The following DMD variants were observed in gnomAD, a reference collection of about 807,000 sequenced individuals.
DMD encodes mutant dystrophin.
DMD carries 63 observed loss-of-function variants against 330.1 expected under a neutral mutation model. The ratio of observed to expected loss-of-function variants is 0.19; its 90% CI spans 0.16 to 0.24. DMD has a LOEUF of 0.24. Among genes scored for constraint, DMD ranks in the 10% least tolerant of loss-of-function variants. The pLI, the probability that DMD is intolerant of heterozygous loss-of-function variation, is 1.00. For missense variants in DMD, 3,344 were observed against 2,684.1 expected (o/e 1.25, Z -5.43); for synonymous variants, 1,223 against 959.8 (o/e 1.27, Z -5.07).
chrX:31,336,662 T>A lies in DMD; in HGVS notation c.9163+11894A>T, dbSNP rs1271478043. On this transcript the variant is annotated intron_variant, in intron 61 of 78. Transcript: ENST00000357033. ...ATAATAAATAACTAATCCAATCAGA[T>A]GCTTTGTCTTGGAGAGCTTGAATGT... Among the ~76,000 whole-genome samples the A allele has an allele frequency of 4.5e-5, 5 of 112,022 alleles. No individual in the cohort carries two copies. In the East Asian group the frequency reaches 1.4e-3, roughly 31 times the overall value.
At chrX:32,657,902 T>C (rs779239266) in intron 9 of DMD, among the ~76,000 whole-genome samples, 2 of 111,805 alleles carry the variant, frequency 1.8e-5, no homozygotes, top group Admixed American at 9.5e-5. Context: ...AAAAAAATGA[T>C]TCACTGGATA....
At chrX:31,602,306 T>C (rs1195628740) in intron 55 of DMD, among the ~76,000 whole-genome samples, 1 of 107,481 alleles carries the variant, frequency 9.3e-6, no homozygotes, top group Non-Finnish European at 1.9e-5. Flanking sequence ...GTCAATTCAC[T>C]GGCTCCTTTC....
chrX:32,675,069 T>C (rs1435395733), intron 9 of DMD, among the ~76,000 whole-genome samples: 1 of 111,889 alleles, frequency 8.9e-6, no homozygotes, highest in Non-Finnish European at 1.9e-5. Flanking sequence ...AATGTTCAAT[T>C]GCTCAGTTCA....
chrX:31,876,631 G>T (rs1603516344), intron 47 of DMD, among the ~76,000 whole-genome samples: 2 of 108,936 alleles, frequency 1.8e-5, no homozygotes, highest in East Asian at 5.8e-4. Flanking sequence ...CAGGAGGATT[G>T]CTTGAGCCCA....
intron 7 of DMD, among the ~76,000 whole-genome samples, chrX:32,736,772 G>C (rs947300268): frequency 3.1e-5 from 3 of 95,742 alleles, no homozygotes; most frequent in Admixed American, 1.1e-4. Context: ...GTGGTGGGGT[G>C]GGGGGAGGGG....
intron 1 of DMD, among the ~76,000 whole-genome samples, chrX:33,218,381 T>G (rs1217799681): frequency 9.0e-6 from 1 of 111,554 alleles, no homozygotes; most frequent in Admixed American, 9.5e-5. Flanking sequence ...CTCTTCTATT[T>G]TCTGGAAGTT....
intron 4 of DMD, among the ~76,000 whole-genome samples, chrX:32,830,789 G>A (rs983904971): frequency 2.7e-5 from 3 of 111,187 alleles, no homozygotes; most frequent in African/African-American, 9.8e-5. Context: ...TTATTCAAAT[G>A]TAATTTTGGA....
chrX:31,345,001 TTGATG>T (rs2058014633), intron 61 of DMD, among the ~76,000 whole-genome samples: 1 of 111,516 alleles, frequency 9.0e-6, no homozygotes, highest in African/African-American at 3.3e-5. Flanking sequence ...CAAATTTTTC[TTGATG>T]TGTATAGAGT....
Position 32,698,042 on chromosome X carries a change from A to T in DMD, c.832-44T>A, listed in dbSNP as rs72470516. The T allele has an allele frequency of 1.7e-3, 1,992 of 1,153,558 alleles. 22 individuals are homozygous for T. The African/African-American group carries it at 0.028, about 16-fold the overall frequency. On this transcript the variant is annotated intron_variant, in intron 8 of 78. Transcript: ENST00000357033. ...GGGAGTGGATAGAGAGGAGGGGGAA[A>T]AACCATAAGTAACCCGAAAGGACTA...
At chrX:32,803,724 T>TA (rs1271406631) in intron 7 of DMD, among the ~76,000 whole-genome samples, 4 of 112,279 alleles carry the variant, frequency 3.6e-5, no homozygotes, top group African/African-American at 1.3e-4. Context: ...ATTTACCCAG[T>TA]AGTCACCCAG....
rs2032112081 is a variant in DMD at position 31,120,085 on chromosome X, C to G, written c.*1834G>C. On this transcript the variant is annotated 3_prime_UTR_variant, in exon 79 of 79. Transcript: ENST00000357033. ...TAATTACACTTGATGTCAGCCCACT[C>G]TCCAAAAGCTAATTACACTTGATGT... The G allele has an allele frequency of 9.0e-6, 1 of 111,406 alleles. No individual in the cohort carries two copies. Among genetic ancestry groups the G allele is most frequent in the Non-Finnish European group, 1.9e-5 (1 of 52,975 alleles). 9.2% of individuals were successfully genotyped at this position (111,406 alleles called of 1,213,427 possible). A position where few individuals can be genotyped will look rare whatever the true frequency, so the allele number is the denominator to read the frequency against.
intron 5 of DMD, 34 bp from the exon 6 acceptor site, chrX:32,816,674 C>G (rs373485574): frequency 8.5e-7 from 1 of 1,177,746 alleles, no homozygotes; most frequent in Non-Finnish European, 1.2e-6. Flanking sequence ...TAAGAAAATG[C>G]ATTCCTTGAG....
intron 1 of DMD, among the ~76,000 whole-genome samples, chrX:33,260,218 G>A (rs1032289010): frequency 1.8e-5 from 2 of 111,526 alleles, no homozygotes; most frequent in African/African-American, 6.5e-5. Flanking sequence ...AACCTGGTCA[G>A]CATTTGATGT....
rs941364796 is a variant in DMD, at chrX:31,535,726, C to G, written c.8218-28273G>C. Among the ~76,000 whole-genome samples the G allele has an allele frequency of 1.2e-4, 14 of 112,036 alleles. No homozygotes were observed. The Admixed American group carries it at 1.3e-3, about 11-fold the overall frequency. ...TCTTCCAAGTTACAGCAGTTCTCCTCACTACCAAAAGTGTGATGGTAGGAC... is the reference window on the plus strand; with the variant it reads ...TCTTCCAAGTTACAGCAGTTCTCCTGACTACCAAAAGTGTGATGGTAGGAC... On this transcript the variant is annotated intron_variant, in intron 55 of 78. Transcript: ENST00000357033.
At chrX:31,907,072 A>G (rs2094486785) in intron 47 of DMD, among the ~76,000 whole-genome samples, 1 of 112,132 alleles carries the variant, frequency 8.9e-6, no homozygotes, top group African/African-American at 3.2e-5. Context: ...ATTGATATCC[A>G]TGATCTCCTT....
At chrX:31,838,538 C>T (rs918988317) in intron 48 of DMD, among the ~76,000 whole-genome samples, 2 of 112,034 alleles carry the variant, frequency 1.8e-5, no homozygotes, top group Non-Finnish European at 3.8e-5. Flanking sequence ...TTCTCTAAGA[C>T]AAAGCACTAT....
rs781091353 is a variant in DMD at position 33,193,294 on chromosome X, G to A, written c.31+17988C>T. On this transcript the variant is annotated intron_variant, in intron 1 of 78. Transcript: ENST00000357033. ...TGCATTCCAGCCTGGGCAACAGAGC[G>A]AGACTCTGTCTCAAAAAAAAGAAAA... is the stretch of plus-strand genomic sequence containing the variant. 9.8e-5 allele frequency among the ~76,000 whole-genome samples: 11 copies of A among 111,959 alleles called. No homozygotes were observed. The East Asian group carries it at 2.3e-3, about 23-fold the overall frequency.
At chrX:31,717,698 G>A (rs1390343039) in intron 52 of DMD, among the ~76,000 whole-genome samples, 6 of 112,135 alleles carry the variant, frequency 5.4e-5, no homozygotes, top group African/African-American at 1.9e-4. Context: ...CACATTTTCA[G>A]GTTGACTGGG....
intron 12 of DMD, among the ~76,000 whole-genome samples, chrX:32,603,091 T>G (rs933616517): frequency 1.8e-5 from 2 of 111,053 alleles, no homozygotes; most frequent in Non-Finnish European, 3.8e-5. Flanking sequence ...TGGATCATTA[T>G]CAAAAATTGA....
Sources: gnomAD v4.1 joint callset for allele counts (sites outside exome capture counted in the v4.1 genomes callset) on GRCh38, gnomAD v4.1.1 for gene constraint, MANE v1.5 for transcripts, NCBI Gene and HGNC (gene_info 2026-07-23, HGNC 2026-07-21) for gene names.